Variants in NAA11 observed in about 807,000 individuals in gnomAD.
NAA11 encodes the protein N-alpha-acetyltransferase 11, NatA catalytic subunit, also known as N-alpha-acetyltransferase 11.
Under a neutral mutation model 16.1 loss-of-function variants are expected in NAA11, and 15 were observed. That is an observed-to-expected ratio of 0.93 (90% confidence interval 0.62 to 1.44). The LOEUF is 1.44. NAA11 is among the 40% of genes most tolerant of loss of function. The probability of loss-of-function intolerance (pLI) is 0.00; values close to 1 mark genes in which losing one functional copy is unlikely to be tolerated. For synonymous variants in NAA11, 122 were observed against 112.4 expected (o/e 1.09, Z -0.54); for missense variants, 298 against 291.3 (o/e 1.02, Z -0.17).
At chr4:79,159,086 C>T in the NAA11 span, among the ~76,000 whole-genome samples, 2 of 152,060 alleles carry the variant, frequency 1.3e-5, no homozygotes, top group Admixed American at 6.6e-5. Flanking sequence ...GATAAATAGG[C>T]TACACTTAAT....
At chr4:79,173,647 T>C in the NAA11 span, among the ~76,000 whole-genome samples, 2 of 151,818 alleles carry the variant, frequency 1.3e-5, no homozygotes, top group Non-Finnish European at 1.5e-5. Flanking sequence ...ATACTGAGAA[T>C]AGAACCACTA....
In NAA11 at chr4:79,323,653, T is replaced by C. The variant is rs545597799; in HGVS notation, c.*12+1523A>G. 5.3e-5 allele frequency among the ~76,000 whole-genome samples: 8 copies of C among 152,210 alleles called. No homozygotes were observed. The South Asian group carries it at 8.3e-4, about 16-fold the overall frequency. On this transcript the variant is annotated intron_variant, in intron 1 of 1. Transcript: ENST00000286794. ...GGCTAACACAGTGAAACCCCGTCTC[T>C]ACTAAAAATACAAAAAAATTAGCCA...
chr4:79,313,828 C>T (rs1450437123), downstream of NAA11, among the ~76,000 whole-genome samples: 1 of 152,130 alleles, frequency 6.6e-6, no homozygotes, highest in Non-Finnish European at 1.5e-5. Context: ...TCAAGATGCC[C>T]AGATGGTGAT....
At chr4:79,157,672 C>T in the NAA11 span, among the ~76,000 whole-genome samples, 6 of 151,710 alleles carry the variant, frequency 4.0e-5, no homozygotes, top group East Asian at 1.9e-4. Context: ...GGACATACCT[C>T]GAGCTAATAA....
downstream of NAA11, among the ~76,000 whole-genome samples, chr4:79,222,494 CAAGA>C (rs1721214109): frequency 1.3e-5 from 2 of 150,020 alleles, no homozygotes; most frequent in Non-Finnish European, 3.0e-5. Context: ...AAAATCAATT[CAAGA>C]TGGATTAAAG....
intron 1 of NAA11, among the ~76,000 whole-genome samples, chr4:79,318,701 C>G (rs1724003432): frequency 6.6e-6 from 1 of 152,128 alleles, no homozygotes; most frequent in South Asian, 2.1e-4. Context: ...TATGGAGGAA[C>G]AGGTCAGAAA....
chr4:79,203,910 A>G, the NAA11 span, among the ~76,000 whole-genome samples: 2 of 151,822 alleles, frequency 1.3e-5, no homozygotes, highest in Non-Finnish European at 2.9e-5. Context: ...GACTAAAAAA[A>G]TTAGAAAACT....
the NAA11 span, among the ~76,000 whole-genome samples, chr4:79,157,018 A>G: frequency 2.0e-5 from 3 of 152,228 alleles, no homozygotes; most frequent in South Asian, 2.1e-4. Flanking sequence ...CTAAATTGAC[A>G]GTAGTAGATT....
Position 79,326,018 on chromosome 4 carries a change from G to C in NAA11, c.-141C>G. The C allele has an allele frequency of 4.3e-6, 3 of 693,366 alleles. No homozygotes were observed. The highest frequency in any genetic ancestry group is 7.3e-6 in the Non-Finnish European group (3 of 409,108). The allele number at this position is 693,366 out of a possible 1,614,324, so 43.0% of individuals were successfully genotyped here. ...CTGAATCGTGTGGAGGGCGGATGGCGGGAAGGCGGAAGGAGCAGGAGATGG... is the reference window on the plus strand; with the variant it reads ...CTGAATCGTGTGGAGGGCGGATGGCCGGAAGGCGGAAGGAGCAGGAGATGG... On this transcript the variant is annotated 5_prime_UTR_variant, in exon 1 of 2. Coordinates refer to ENST00000286794, the MANE Select transcript of NAA11 (RefSeq NM_032693.3).
intron 1 of NAA11, among the ~76,000 whole-genome samples, chr4:79,295,344 A>C (rs1310333391): frequency 2.6e-5 from 4 of 152,180 alleles, no homozygotes; most frequent in Admixed American, 6.5e-5. Flanking sequence ...GTTTTATTTA[A>C]CTCCATCTTG....
intron 2 of NAA11, among the ~76,000 whole-genome samples, chr4:79,236,624 A>T (rs1721576260): frequency 6.6e-6 from 1 of 152,304 alleles, no homozygotes; most frequent in South Asian, 2.1e-4. Context: ...TCTTAATTAT[A>T]TCATTGCTGA....
At chr4:79,234,821 G>A (rs570543701) in intron 2 of NAA11, among the ~76,000 whole-genome samples, 1 of 152,012 alleles carries the variant, frequency 6.6e-6, no homozygotes, top group Non-Finnish European at 1.5e-5. Flanking sequence ...AATCATGTAC[G>A]TTTTCTCTTT....
chr4:79,304,483 G>T (rs1723505367), intron 1 of NAA11, among the ~76,000 whole-genome samples: 1 of 152,026 alleles, frequency 6.6e-6, no homozygotes, highest in African/African-American at 2.4e-5. Context: ...TTCATATAAA[G>T]ACATTTTTTA....
the NAA11 span, among the ~76,000 whole-genome samples, chr4:79,202,735 T>C: frequency 6.8e-6 from 1 of 146,350 alleles, no homozygotes; most frequent in East Asian, 2.1e-4. Context: ...CTAATAGATT[T>C]AGAATTATTA....
At position 79,325,493 on chromosome 4, in the gene NAA11, G is replaced by C. The variant is rs1724242773; in HGVS notation, c.385C>G (p.Gln129Glu). 6.2e-7 allele frequency: 1 copy of C among 1,614,082 alleles called. No individual in the cohort carries two copies. The highest frequency in any genetic ancestry group is 1.3e-5 in the African/African-American group (1 of 74,928). Residue 129 changes from glutamine to glutamate, a missense_variant, in exon 1 of 2, where the codon CAG becomes GAG. By Grantham distance (29) the Gln-to-Glu change is conservative (BLOSUM62 2). Transcript: ENST00000286794. ...LHLYSNTLNF[Q>E]ISEVEPKYYA... ...TATTTAGGTTCCACCTCACTAATCT[G>C]AAAGTTGAGGGTGTTAGAATAAAGG...
At chr4:79,204,787 C>T in the NAA11 span, among the ~76,000 whole-genome samples, 1 of 151,808 alleles carries the variant, frequency 6.6e-6, no homozygotes, top group African/African-American at 2.4e-5. Flanking sequence ...AGCTTAGCTC[C>T]CATTTATAAG....
the NAA11 span, among the ~76,000 whole-genome samples, chr4:79,202,210 G>GA: frequency 1.3e-5 from 2 of 151,458 alleles, no homozygotes; most frequent in Admixed American, 1.3e-4. Context: ...ATTTTCTGTG[G>GA]ATGAATGGAT....
intron 2 of NAA11, among the ~76,000 whole-genome samples, chr4:79,275,670 G>T (rs570333471): frequency 1.3e-5 from 2 of 152,176 alleles, no homozygotes; most frequent in Non-Finnish European, 2.9e-5. Flanking sequence ...GAAGCAAATG[G>T]GTTATCCTGA....
chr4:79,226,977 A>T (rs535100943), intron 2 of NAA11, among the ~76,000 whole-genome samples: 5 of 152,186 alleles, frequency 3.3e-5, no homozygotes, highest in Admixed American at 3.3e-4. Flanking sequence ...TGGTATTTCT[A>T]GTTCTAGATC....
Sources: gnomAD v4.1 joint callset for allele counts (sites outside exome capture counted in the v4.1 genomes callset) on GRCh38, gnomAD v4.1.1 for gene constraint, MANE v1.5 for transcripts, NCBI Gene and HGNC (gene_info 2026-07-23, HGNC 2026-07-21) for gene names.